The following TEX11 variants were observed in gnomAD, a reference collection of about 807,000 sequenced individuals.
The protein encoded by TEX11 is testis expressed 11, also known as testis-expressed protein 11.
Under a neutral mutation model 84.4 loss-of-function variants are expected in TEX11, and 7 were observed. That is an observed-to-expected ratio of 0.08 (90% confidence interval 0.05 to 0.16). The LOEUF (loss-of-function observed/expected upper bound fraction) is 0.16, where lower values mean the gene tolerates loss of function less well. Among genes scored for constraint, TEX11 ranks in the 10% least tolerant of loss-of-function variants. The probability of loss-of-function intolerance (pLI) is 1.00; values close to 1 mark genes in which losing one functional copy is unlikely to be tolerated. For synonymous variants in TEX11, 264 were observed against 222.8 expected (o/e 1.18, Z -1.64); for missense variants, 551 against 660.5 (o/e 0.83, Z 1.82).
At chrX:70,652,496 A>T (rs778895492) in intron 16 of TEX11, among the ~76,000 whole-genome samples, 1 of 111,987 alleles carries the variant, frequency 8.9e-6, no homozygotes, top group South Asian at 3.7e-4. Flanking sequence ...AAAGAAATAC[A>T]ATGTATGTTC....
At chrX:70,652,163 G>A (rs1473157755) in intron 16 of TEX11, among the ~76,000 whole-genome samples, 1 of 111,379 alleles carries the variant, frequency 9.0e-6, no homozygotes, top group African/African-American at 3.3e-5. Context: ...AATACTAGGA[G>A]ACTCATGTAT....
At chrX:70,656,134 C>T (rs1471003819) in intron 16 of TEX11, among the ~76,000 whole-genome samples, 3 of 80,157 alleles carry the variant, frequency 3.7e-5, no homozygotes, top group African/African-American at 1.2e-4. Flanking sequence ...TATATATATG[C>T]CATATGAGGC....
At chrX:70,709,001 C>T (rs1203035054) in intron 13 of TEX11, among the ~76,000 whole-genome samples, 1 of 110,510 alleles carries the variant, frequency 9.0e-6, no homozygotes, top group Admixed American at 9.7e-5. Flanking sequence ...AACCTACAAA[C>T]TTATCTATTT....
chrX:70,744,617 T>C (rs1430479270), intron 9 of TEX11, among the ~76,000 whole-genome samples: 1 of 110,403 alleles, frequency 9.1e-6, no homozygotes, highest in Non-Finnish European at 1.9e-5. Flanking sequence ...ATTATTATAA[T>C]ACATACTGCA....
At chrX:70,744,243 T>TATATATATATATATA in intron 9 of TEX11, 24 bp from the exon 10 acceptor site, 2 of 203,561 alleles carry the variant, frequency 9.8e-6, no homozygotes, top group Non-Finnish European at 1.6e-5. Flanking sequence ...GGAAAAAAAA[T>TATATATATATATATA]ATATATATAT....
the TEX11 span, among the ~76,000 whole-genome samples, chrX:70,515,337 T>C: frequency 9.4e-6 from 1 of 106,205 alleles, no homozygotes; most frequent in Non-Finnish European, 1.9e-5. Flanking sequence ...CTTCTCATTG[T>C]TCAGTTCCCA....
intron 28 of TEX11, 78 bp from the exon 29 acceptor site, chrX:70,530,077 C>A: frequency 1.1e-6 from 1 of 885,762 alleles, no homozygotes; most frequent in Non-Finnish European, 1.6e-6. Context: ...ATGCTATGTC[C>A]CTTTATTACT....
intron 4 of TEX11, among the ~76,000 whole-genome samples, chrX:70,861,917 T>C (rs73213096): frequency 0.14 from 15,421 of 111,687 alleles, 882 homozygotes; most frequent in Middle Eastern, 0.28. Context: ...CTGTTCAACA[T>C]CTGACAAAAT....
At chrX:70,887,863 C>A (rs1294284347) in intron 2 of TEX11, among the ~76,000 whole-genome samples, 1 of 111,712 alleles carries the variant, frequency 9.0e-6, no homozygotes, top group African/African-American at 3.3e-5. Context: ...GTCACCCCTC[C>A]CCCAGATCCA....
intron 2 of TEX11, among the ~76,000 whole-genome samples, chrX:70,880,627 T>C (rs1312783599): frequency 9.0e-6 from 1 of 111,006 alleles, no homozygotes; most frequent in East Asian, 2.8e-4. Flanking sequence ...CCAGAAAATG[T>C]AGAAATTCTG....
intron 2 of TEX11, among the ~76,000 whole-genome samples, chrX:70,892,452 T>A (rs1602216304): frequency 1.8e-5 from 2 of 112,047 alleles, no homozygotes; most frequent in South Asian, 7.4e-4. Flanking sequence ...AGACACAGAC[T>A]AGCCAGGCGC....
At chrX:70,730,034 C>A (rs1193726888) in intron 11 of TEX11, among the ~76,000 whole-genome samples, 1 of 111,592 alleles carries the variant, frequency 9.0e-6, no homozygotes, top group Non-Finnish European at 1.9e-5. Context: ...AATTTTCAAC[C>A]CAAATTTCAC....
intron 7 of TEX11, among the ~76,000 whole-genome samples, chrX:70,839,891 G>T (rs1450560863): frequency 5.4e-5 from 6 of 111,341 alleles, no homozygotes; most frequent in Admixed American, 9.7e-5. Context: ...GGGTATCAGT[G>T]ATGGAAGATG....
In TEX11 at chrX:70,530,491, TC is replaced by T. The variant is rs751527716; in HGVS notation, c.2521-493del. On this transcript the variant is annotated intron_variant, in intron 28 of 29. Transcript: ENST00000374333. ...CCTAGCTATGAACACAGCACACATT[TC>T]TAAGATGGTCCCTTAGCCTTATCAG... Among the ~76,000 whole-genome samples, 29 of 112,320 alleles carry T rather than the reference TC, an allele frequency of 2.6e-4. 1 individual carries two copies. The highest frequency in any genetic ancestry group is 2.4e-3 in the Admixed American group (25 of 10,526).
intron 13 of TEX11, among the ~76,000 whole-genome samples, chrX:70,722,063 C>G (rs1324027162): frequency 9.0e-6 from 1 of 111,598 alleles, no homozygotes; most frequent in Non-Finnish European, 1.9e-5. Flanking sequence ...TTCATAAGTC[C>G]AGGAAATTAA....
intron 17 of TEX11, among the ~76,000 whole-genome samples, chrX:70,633,896 T>C (rs2147568214): frequency 9.0e-6 from 1 of 111,439 alleles, no homozygotes; most frequent in Non-Finnish European, 1.9e-5. Flanking sequence ...CCAGCCTAGG[T>C]GACAGAACAG....
chrX:70,547,576 AAAAC>A (rs1254466393), intron 28 of TEX11, among the ~76,000 whole-genome samples: 3 of 111,629 alleles, frequency 2.7e-5, no homozygotes, highest in African/African-American at 9.8e-5. Flanking sequence ...TTACAAGAAA[AAAAC>A]AAACAACCCC....
At chrX:70,623,868 T>C (rs1200933536) in intron 20 of TEX11, 82 bp downstream of exon 20, 1 of 871,240 alleles carries the variant, frequency 1.1e-6, no homozygotes. Context: ...CTACACTAAG[T>C]ATCTCTGAAT....
chrX:70,907,434 T>C (rs2091839745), intron 2 of TEX11, among the ~76,000 whole-genome samples: 1 of 107,537 alleles, frequency 9.3e-6, no homozygotes, highest in Non-Finnish European at 1.9e-5. Context: ...TGAGACGGAG[T>C]CTCACTCTGT....
Sources: gnomAD v4.1 joint callset for allele counts (sites outside exome capture counted in the v4.1 genomes callset) on GRCh38, gnomAD v4.1.1 for gene constraint, MANE v1.5 for transcripts, NCBI Gene and HGNC (gene_info 2026-07-23, HGNC 2026-07-21) for gene names.